Variants in EXOC4 observed in about 807,000 individuals in gnomAD.
The protein encoded by EXOC4 is exocyst complex component 4.
Under a neutral mutation model 107.2 loss-of-function variants are expected in EXOC4, and 71 were observed. The observed-to-expected ratio is 0.66, with a 90% confidence interval of 0.55 to 0.81. The LOEUF (loss-of-function observed/expected upper bound fraction) is 0.81, where lower values mean the gene tolerates loss of function less well. Ranked by LOEUF, EXOC4 falls within the 30% of genes least tolerant of loss-of-function variation. The pLI is 0.00. For missense variants in EXOC4, 1,108 were observed against 1,189.6 expected, an observed-to-expected ratio of 0.93 and a Z score of 1.01; for synonymous variants, 456 against 441.2, an observed-to-expected ratio of 1.03 and a Z score of -0.42.
At chr7:133,795,464 C>T (rs1485078765) in intron 10 of EXOC4, among the ~76,000 whole-genome samples, 1 of 152,074 alleles carries the variant, frequency 6.6e-6, no homozygotes, top group Non-Finnish European at 1.5e-5. Flanking sequence ...GAGAAAAAGG[C>T]AAATCATGCC....
At chr7:133,595,544 G>A in intron 9 of EXOC4, among the ~76,000 whole-genome samples, 1 of 152,172 alleles carries the variant, frequency 6.6e-6, no homozygotes, top group East Asian at 1.9e-4. Flanking sequence ...ACATTTTTTA[G>A]TTCTTTCTAT....
In EXOC4 at chr7:133,906,259, C is replaced by T. The variant is rs558657151; in HGVS notation, c.1871+10524C>T. Among the ~76,000 whole-genome samples, 17 of 152,294 alleles carry T rather than the reference C, an allele frequency of 1.1e-4. No individual in the cohort carries two copies. The South Asian group carries it at 3.1e-3, about 28-fold the overall frequency. The stretch of plus-strand genomic sequence containing the variant: ...AGGGTCCTATAGGAATGAGACTCTC[C>T]TTGAGCTGGCCTTGGAGCTTTTGCC... On this transcript the variant is annotated intron_variant, in intron 12 of 17. Coordinates refer to ENST00000253861, the MANE Select transcript of EXOC4 (RefSeq NM_021807.4).
intron 10 of EXOC4, among the ~76,000 whole-genome samples, chr7:133,750,522 G>C (rs1394686772): frequency 6.6e-6 from 1 of 151,990 alleles, no homozygotes; most frequent in East Asian, 1.9e-4. Flanking sequence ...CTATGGTGTA[G>C]GTAGTGTGCT....
At chr7:133,819,447 T>C (rs1797456700) in intron 11 of EXOC4, among the ~76,000 whole-genome samples, 1 of 152,072 alleles carries the variant, frequency 6.6e-6, no homozygotes. Flanking sequence ...ACACATATTA[T>C]AATGTCAGGC....
At chr7:133,802,692 A>G (rs1320541882) in intron 10 of EXOC4, among the ~76,000 whole-genome samples, 1 of 151,880 alleles carries the variant, frequency 6.6e-6, no homozygotes, top group African/African-American at 2.4e-5. Flanking sequence ...CTAAAAATAC[A>G]AAAAATTAGC....
At chr7:133,263,457 C>T (rs547437021) in intron 1 of EXOC4, among the ~76,000 whole-genome samples, 98 of 143,190 alleles carry the variant, frequency 6.8e-4, no homozygotes, top group Non-Finnish European at 1.3e-3. Flanking sequence ...TCTCAGCTCA[C>T]TTCATCCTCT....
At chr7:133,627,710 CCTTAA>C (rs1336362535) in intron 9 of EXOC4, among the ~76,000 whole-genome samples, 3 of 152,140 alleles carry the variant, frequency 2.0e-5, no homozygotes, top group Middle Eastern at 3.2e-3. Flanking sequence ...TTCATGCTTT[CCTTAA>C]CTCAGCAAAA....
intron 4 of EXOC4, among the ~76,000 whole-genome samples, chr7:133,312,837 T>A (rs1431284235): frequency 1.3e-5 from 2 of 152,122 alleles, no homozygotes; most frequent in Non-Finnish European, 2.9e-5. Flanking sequence ...ATGGATTATT[T>A]TTTTTTTAAG....
intron 14 of EXOC4, among the ~76,000 whole-genome samples, chr7:133,982,764 C>G (rs116839272): frequency 0.012 from 1,778 of 152,202 alleles, 29 homozygotes; most frequent in African/African-American, 0.041. Context: ...AGAACTTCTT[C>G]CAAATAGTAT....
intron 9 of EXOC4, among the ~76,000 whole-genome samples, chr7:133,485,564 C>A (rs73726909): frequency 0.018 from 2,802 of 152,130 alleles, 93 homozygotes; most frequent in African/African-American, 0.064. Context: ...CAATATAATT[C>A]TTTATCACAA....
chr7:133,963,623 G>T (rs1337573347), intron 14 of EXOC4, among the ~76,000 whole-genome samples: 2 of 152,196 alleles, frequency 1.3e-5, no homozygotes, highest in East Asian at 3.8e-4. Context: ...TTATTAGAGA[G>T]TTATCCATGA....
chr7:133,390,635 G>T (rs1248509088), intron 7 of EXOC4, among the ~76,000 whole-genome samples: 2 of 152,174 alleles, frequency 1.3e-5, no homozygotes, highest in Admixed American at 6.5e-5. Context: ...GAGAGAACTA[G>T]TTAGTGAGGG....
At chr7:133,443,859 G>A (rs983932983) in intron 7 of EXOC4, among the ~76,000 whole-genome samples, 1 of 152,190 alleles carries the variant, frequency 6.6e-6, no homozygotes, top group Admixed American at 6.5e-5. Context: ...AGCTCAAACT[G>A]TATAAGAAGC....
chr7:133,888,034 T>G (rs1349017063), intron 11 of EXOC4, among the ~76,000 whole-genome samples: 1 of 152,186 alleles, frequency 6.6e-6, no homozygotes, highest in Non-Finnish European at 1.5e-5. Context: ...TGGCTTCCTA[T>G]GAGGTTTGCC....
At chr7:133,731,733 T>C (rs1385522232) in intron 10 of EXOC4, among the ~76,000 whole-genome samples, 1 of 152,138 alleles carries the variant, frequency 6.6e-6, no homozygotes, top group Admixed American at 6.6e-5. Flanking sequence ...TAAAAGCTTG[T>C]TTTTTCAGCC....
chr7:133,832,273 C>G (rs1797827190), intron 11 of EXOC4, among the ~76,000 whole-genome samples: 1 of 152,168 alleles, frequency 6.6e-6, no homozygotes, highest in Non-Finnish European at 1.5e-5. Flanking sequence ...TTGTCACATT[C>G]TGCACTAAAT....
intron 10 of EXOC4, among the ~76,000 whole-genome samples, chr7:133,743,117 A>T (rs752536349): frequency 1.3e-5 from 2 of 152,192 alleles, no homozygotes. Context: ...TGTTCTTATC[A>T]TAGTAGCACC....
intron 11 of EXOC4, among the ~76,000 whole-genome samples, chr7:133,819,443 A>G (rs1291638247): frequency 1.3e-5 from 2 of 152,072 alleles, no homozygotes; most frequent in Admixed American, 6.5e-5. Context: ...CCAAACACAT[A>G]TTATAATGTC....
chr7:133,736,102 T>G (rs1196512471), intron 10 of EXOC4, among the ~76,000 whole-genome samples: 1 of 151,884 alleles, frequency 6.6e-6, no homozygotes, highest in Admixed American at 6.6e-5. Flanking sequence ...AAAAAAAAGA[T>G]ATTTATTTTC....
Sources: allele counts gnomAD v4.1 joint callset (sites outside exome capture counted in the v4.1 genomes callset), GRCh38; gene constraint gnomAD v4.1.1; transcripts MANE v1.5; gene names NCBI Gene and HGNC (gene_info 2026-07-23, HGNC 2026-07-21).